The following KL variants were observed in gnomAD, a reference collection of about 807,000 sequenced individuals.
KL encodes klotho.
KL carries 62 observed loss-of-function variants against 84.2 expected under a neutral mutation model. The observed-to-expected ratio is 0.74, with a 90% confidence interval of 0.60 to 0.91. The LOEUF (loss-of-function observed/expected upper bound fraction) is 0.91. KL is among the 40% of genes least tolerant of loss of function. The pLI is 0.00. For synonymous variants in KL, 528 were observed against 528.0 expected, an observed-to-expected ratio of 1.00 and a Z score of 0.00; for missense variants, 1,261 against 1,305.7, an observed-to-expected ratio of 0.97 and a Z score of 0.53.
chr13:33,017,831 A>G (rs1354615979), intron 1 of KL, among the ~76,000 whole-genome samples: 1 of 152,176 alleles, frequency 6.6e-6, no homozygotes, highest in African/African-American at 2.4e-5. Flanking sequence ...CACCAATCTT[A>G]TTCACCGGGG....
intron 1 of KL, among the ~76,000 whole-genome samples, chr13:33,020,117 C>T (rs1227746255): frequency 2.6e-5 from 4 of 152,130 alleles, no homozygotes; most frequent in Admixed American, 2.6e-4. Context: ...AACATTTGTG[C>T]AAGGAACCTG....
intron 1 of KL, among the ~76,000 whole-genome samples, chr13:33,019,345 T>C (rs896402510): frequency 6.6e-6 from 1 of 152,148 alleles, no homozygotes; most frequent in East Asian, 1.9e-4. Context: ...TGAGCTTACC[T>C]GAAAAAGATA....
rs762438505 is a variant in KL, at chr13:33,064,051, C to T, written c.2904C>T (p.Thr968=). 2.2e-5 allele frequency: 36 copies of T among 1,614,034 alleles called. No homozygotes were observed. The highest frequency in any genetic ancestry group is 1.6e-4 in the Middle Eastern group (1 of 6,084). Residue 968 remains threonine, a synonymous_variant, in exon 5 of 5, where the codon ACC becomes ACT. Transcript: ENST00000380099. ...AAAGATTTTGTCCAGAAGAATTCAC[C>T]GTGTGTACTGAGTGCAGTTTTTTTC... The part of the protein sequence containing the change: ...TLERFCPEEF[T]VCTECSFFHT...
chr13:33,022,382 G>A (rs118051), intron 1 of KL, among the ~76,000 whole-genome samples: 69,557 of 151,836 alleles, frequency 0.46, 17,405 homozygotes, highest in Non-Finnish European at 0.55. Flanking sequence ...TTGTCTTTTT[G>A]AGGCATAAAG....
chr13:33,061,044 C>T lies in KL; in HGVS notation c.1965C>T (p.Gly655=), dbSNP rs144345203. The change falls in exon 4 of 5, where the codon GGC becomes GGT. Residue 655 remains glycine (G), a synonymous_variant. Coordinates refer to ENST00000380099, the MANE Select transcript of KL (RefSeq NM_004795.4). Reference sequence around the variant, plus strand: ...TGCCGCGCCTCCTGGCCAGGCAGGGCGCCTGGGAGAACCCCTACACTGCCC... The same window carrying T: ...TGCCGCGCCTCCTGGCCAGGCAGGGTGCCTGGGAGAACCCCTACACTGCCC... ...QGLPRLLARQ[G]AWENPYTALA... 2.4e-4 allele frequency: 382 copies of T among 1,611,812 alleles called. 1 individual carries two copies. In the African/African-American group the frequency reaches 2.9e-3, roughly 12 times the overall value.
chr13:33,062,214 A>T (rs149009577), intron 4 of KL, among the ~76,000 whole-genome samples: 1 of 152,040 alleles, frequency 6.6e-6, no homozygotes, highest in African/African-American at 2.4e-5. Context: ...CCTTGTCTCT[A>T]CTAAAAATCA....
chr13:33,042,973 T>A (rs1260957502), intron 1 of KL, among the ~76,000 whole-genome samples: 2 of 152,214 alleles, frequency 1.3e-5, no homozygotes, highest in Non-Finnish European at 2.9e-5. Flanking sequence ...TGAGCCACTG[T>A]GCCCGGCCAG....
intron 1 of KL, among the ~76,000 whole-genome samples, chr13:33,026,230 C>T (rs1870772233): frequency 1.3e-5 from 2 of 152,172 alleles, no homozygotes; most frequent in Admixed American, 1.3e-4. Context: ...TCCCTGGCTG[C>T]ATACTCAAGA....
chr13:33,052,013 G>A (rs1246908748), intron 1 of KL, among the ~76,000 whole-genome samples: 4 of 152,224 alleles, frequency 2.6e-5, no homozygotes, highest in Non-Finnish European at 4.4e-5. Flanking sequence ...CTGGAGGTCA[G>A]TGGTGTGAAC....
At chr13:33,045,929 T>C (rs757091958) in intron 1 of KL, among the ~76,000 whole-genome samples, 1 of 152,256 alleles carries the variant, frequency 6.6e-6, no homozygotes, top group Non-Finnish European at 1.5e-5. Flanking sequence ...CTTTACTCTA[T>C]TGATGTAATG....
chr13:33,048,319 T>C (rs1344524074), intron 1 of KL, among the ~76,000 whole-genome samples: 1 of 152,222 alleles, frequency 6.6e-6, no homozygotes, highest in Non-Finnish European at 1.5e-5. Context: ...CTTTAGTCTT[T>C]GTTAGAGCTG....
chr13:33,016,455 CCCGCCGCGCCGCCCGCGGCCG>C lies in KL; in HGVS notation c.23_43del (p.Arg8_Pro14del). The stretch of plus-strand genomic sequence containing the variant: ...TCCCGCGCAGCATGCCCGCCAGCGC[CCCGCCGCGCCGCCCGCGGCCG>C]CCGCCGCCGTCGCTGTCGCTGCTGC... On this transcript the variant is annotated inframe_deletion, in exon 1 of 5. Coordinates refer to ENST00000380099, the MANE Select transcript of KL (RefSeq NM_004795.4). 1.0e-6 allele frequency: 1 copy of C among 964,248 alleles called. No individual in the cohort carries two copies. The highest frequency in any genetic ancestry group is 1.2e-6 in the Non-Finnish European group (1 of 812,506). The allele number at this position is 964,248 out of a possible 1,614,324, so 59.7% of individuals were successfully genotyped here.
At chr13:33,044,931 A>G (rs1871473209) in intron 1 of KL, among the ~76,000 whole-genome samples, 1 of 152,166 alleles carries the variant, frequency 6.6e-6, no homozygotes, top group African/African-American at 2.4e-5. Context: ...ACAGACAATC[A>G]TGTTTTTAAT....
chr13:33,044,672 A>C (rs1871463141), intron 1 of KL, among the ~76,000 whole-genome samples: 1 of 39,858 alleles, frequency 2.5e-5, no homozygotes, highest in Non-Finnish European at 6.1e-5. Context: ...TTTTTTTGAG[A>C]CAGAGGCTTA....
rs1489143253 is a variant in KL at position 33,064,081 on chromosome 13, C to T, written c.2934C>T (p.Thr978=). The T allele has an allele frequency of 1.2e-6, 2 of 1,613,814 alleles. No homozygotes were observed. The highest frequency in any genetic ancestry group is 1.7e-6 in the Non-Finnish European group (2 of 1,179,898). ...TVCTECSFFH[T]RKSLLAFIAF... is the part of the protein sequence containing the mutation. ...GTACTGAGTGCAGTTTTTTTCACAC[C>T]CGAAAGTCTTTACTGGCTTTCATAG... The change falls in exon 5 of 5, where the codon ACC becomes ACT. Residue 978 remains threonine (T), a synonymous_variant. Transcript: ENST00000380099.
chr13:33,041,299 T>G (rs1248429931), intron 1 of KL, among the ~76,000 whole-genome samples: 1 of 151,916 alleles, frequency 6.6e-6, no homozygotes, highest in Non-Finnish European at 1.5e-5. Context: ...GTTCATACAT[T>G]CTCCTGTAAA....
At position 33,046,338 on chromosome 13, in the gene KL, A is replaced by AT. The variant is rs575286914; in HGVS notation, c.820-7423dup. ...CTTTTACACCTAGATTAGATTTTGT[A>AT]TTTTTTCCTTAGCCACTTTTGGTAA... On this transcript the variant is annotated intron_variant, in intron 1 of 4. Transcript: ENST00000380099. Among the ~76,000 whole-genome samples, 43 of 152,134 alleles carry AT rather than the reference A, an allele frequency of 2.8e-4. 1 individual carries two copies. The highest frequency in any genetic ancestry group is 9.2e-4 in the African/African-American group (38 of 41,516).
rs1477311981 is a variant in KL, at chr13:33,065,706, G to A, written c.*1520G>A. ...TGTATATATTTTTCTGATTATAAGA[G>A]TAATATATGTTCATTGTAAAAATTT... On this transcript the variant is annotated 3_prime_UTR_variant, in exon 5 of 5. Coordinates refer to ENST00000380099, the MANE Select transcript of KL (RefSeq NM_004795.4). 1.7e-5 allele frequency: 3 copies of A among 176,206 alleles called. No individual in the cohort carries two copies. The highest frequency in any genetic ancestry group is 7.1e-5 in the African/African-American group (3 of 42,186). 10.9% of individuals were successfully genotyped at this position (176,206 alleles called of 1,614,324 possible). A position where few individuals can be genotyped will look rare whatever the true frequency, so the allele number is the denominator to read the frequency against.
At chr13:33,049,367 C>G (rs761871078) in intron 1 of KL, among the ~76,000 whole-genome samples, 1 of 152,138 alleles carries the variant, frequency 6.6e-6, no homozygotes, top group Non-Finnish European at 1.5e-5. Flanking sequence ...AGAGACTTTG[C>G]TAGAATCTGA....
Sources: allele counts gnomAD v4.1 joint callset (sites outside exome capture counted in the v4.1 genomes callset), GRCh38; gene constraint gnomAD v4.1.1; transcripts MANE v1.5; gene names NCBI Gene and HGNC (gene_info 2026-07-23, HGNC 2026-07-21).